CES5A: variants seen among roughly 807,000 people sequenced by gnomAD.
CES5A encodes the protein carboxylesterase 5A.
CES5A carries 67 observed loss-of-function variants against 62.9 expected under a neutral mutation model. The ratio of observed to expected loss-of-function variants is 1.07; its 90% CI spans 0.88 to 1.31. CES5A has a LOEUF of 1.31. Among genes scored for constraint, CES5A ranks in the 50% most tolerant of loss-of-function variants. CES5A has a pLI of 0.00. For missense variants in CES5A, 748 were observed against 708.5 expected (o/e 1.06, Z -0.63); for synonymous variants, 296 against 280.8 (o/e 1.05, Z -0.54).
In CES5A at chr16:55,854,544, C is replaced by CTTTTTTTTT. The variant is rs56017491; in HGVS notation, c.1126-1525_1126-1517dup. ...CCTGTAGTGTTTCTTTTTTTTTTTT[C>CTTTTTTTTT]TTTTTTTTTTTTTGAGACAGAGTCT... On this transcript the variant is annotated intron_variant, in intron 9 of 12. Coordinates refer to ENST00000290567, the MANE Select transcript of CES5A (RefSeq NM_001143685.2). 3.9e-4 allele frequency among the ~76,000 whole-genome samples: 25 copies of CTTTTTTTTT among 64,412 alleles called. 3 individuals are homozygous for CTTTTTTTTT. The highest frequency in any genetic ancestry group is 1.7e-3 in the African/African-American group (24 of 14,314). 42.3% of individuals were successfully genotyped at this position (64,412 alleles called of 152,430 possible).
intron 1 of CES5A, among the ~76,000 whole-genome samples, chr16:55,885,471 A>T (rs932330158): frequency 1.3e-5 from 2 of 152,192 alleles, no homozygotes; most frequent in Non-Finnish European, 2.9e-5. Flanking sequence ...GGGAGCCGGG[A>T]AAGTCCAGGA....
At chr16:55,907,422 C>G (rs2034049463) in intron 1 of CES5A, among the ~76,000 whole-genome samples, 1 of 152,198 alleles carries the variant, frequency 6.6e-6, no homozygotes, top group South Asian at 2.1e-4. Flanking sequence ...TTAGCTTTCT[C>G]CCTAACTAAT....
chr16:55,850,164 T>C (rs2033101343), intron 10 of CES5A, among the ~76,000 whole-genome samples: 2 of 152,238 alleles, frequency 1.3e-5, no homozygotes, highest in African/African-American at 4.8e-5. Flanking sequence ...CTATGAATAT[T>C]TTCTTCCAGT....
At chr16:55,936,624 C>A (rs1473732917) in intron 2 of CES5A, among the ~76,000 whole-genome samples, 1 of 152,146 alleles carries the variant, frequency 6.6e-6, no homozygotes, top group South Asian at 2.1e-4. Flanking sequence ...CTAATCCCTG[C>A]TAATCACTGA....
chr16:55,893,847 T>A (rs1447843303), intron 1 of CES5A, among the ~76,000 whole-genome samples: 2 of 152,070 alleles, frequency 1.3e-5, no homozygotes, highest in African/African-American at 4.8e-5. Flanking sequence ...ATAAAAGACA[T>A]CAAACTGCAT....
intron 3 of CES5A, 52 bp from the exon 4 acceptor site, chr16:55,869,796 C>T (rs529553324): frequency 2.6e-6 from 4 of 1,549,214 alleles, no homozygotes; most frequent in Non-Finnish European, 3.5e-6. Context: ...CACCTCCCCT[C>T]CCCATGCAGT....
chr16:55,922,286 G>A (rs1431072104), intron 1 of CES5A, among the ~76,000 whole-genome samples: 1 of 151,874 alleles, frequency 6.6e-6, no homozygotes, highest in East Asian at 1.9e-4. Flanking sequence ...TCAACTATTT[G>A]CTGCCTATAA....
At chr16:55,942,500 C>T (rs1001439163) in intron 2 of CES5A, among the ~76,000 whole-genome samples, 12 of 152,124 alleles carry the variant, frequency 7.9e-5, no homozygotes, top group South Asian at 6.2e-4. Context: ...AGTGAGACAC[C>T]GTTTTATGCT....
intron 1 of CES5A, among the ~76,000 whole-genome samples, chr16:55,888,287 T>C (rs1430572706): frequency 6.6e-6 from 1 of 152,188 alleles, no homozygotes; most frequent in African/African-American, 2.4e-5. Context: ...TTACGGGCCA[T>C]GCAGCTTTCC....
chr16:55,896,454 C>T (rs116519640), intron 1 of CES5A, among the ~76,000 whole-genome samples: 1,980 of 152,314 alleles, frequency 0.013, 51 homozygotes, highest in African/African-American at 0.045. Flanking sequence ...AGCCAGAGGT[C>T]CTCATCAGAT....
At chr16:55,849,520 A>T in intron 11 of CES5A, 104 bp downstream of exon 11, 1 of 1,242,368 alleles carries the variant, frequency 8.0e-7, no homozygotes, top group Non-Finnish European at 1.1e-6. Flanking sequence ...CCTATAAACC[A>T]CAGAGGTAAT....
At chr16:55,943,325 T>G (rs1443129501) in intron 2 of CES5A, among the ~76,000 whole-genome samples, 1 of 152,138 alleles carries the variant, frequency 6.6e-6, no homozygotes, top group Non-Finnish European at 1.5e-5. Flanking sequence ...CTGCGAGAGA[T>G]CAGAATGAGG....
chr16:55,876,748 A>T (rs1435732890), upstream of CES5A, among the ~76,000 whole-genome samples: 1 of 152,180 alleles, frequency 6.6e-6, no homozygotes, highest in Non-Finnish European at 1.5e-5. Context: ...GCTAAGAGAG[A>T]TCTCAGGGGG....
At chr16:55,944,111 A>G (rs1189466415) in intron 2 of CES5A, 4 of 701,930 alleles carry the variant, frequency 5.7e-6, no homozygotes, top group Non-Finnish European at 7.8e-6. Context: ...GTCCAAGGAG[A>G]CTTCAAGGGA....
intron 7 of CES5A, among the ~76,000 whole-genome samples, chr16:55,860,915 A>C (rs1383616687): frequency 2.6e-5 from 4 of 152,228 alleles, no homozygotes; most frequent in African/African-American, 9.6e-5. Context: ...ACCCGGTCCA[A>C]TTAACTGTCA....
upstream of CES5A, among the ~76,000 whole-genome samples, chr16:55,879,693 C>G (rs948771959): frequency 6.6e-6 from 1 of 152,144 alleles, no homozygotes; most frequent in Non-Finnish European, 1.5e-5. Flanking sequence ...TGGGCTCAAG[C>G]GATCCTCCCA....
At chr16:55,879,284 TCCACCACTGCACC>T (rs1463696697), upstream of CES5A, among the ~76,000 whole-genome samples, 3 of 128,848 alleles carry the variant, frequency 2.3e-5, no homozygotes, top group Non-Finnish European at 3.3e-5. Context: ...CCACTGCACC[TCCACCACTGCACC>T]CCACCACTGC....
chr16:55,870,940 C>A (rs1412421492), intron 3 of CES5A, among the ~76,000 whole-genome samples: 1 of 152,166 alleles, frequency 6.6e-6, no homozygotes, highest in Non-Finnish European at 1.5e-5. Context: ...ACTGTGTGTA[C>A]AACATGGAGC....
At chr16:55,905,448 C>A (rs995199164) in intron 1 of CES5A, among the ~76,000 whole-genome samples, 2 of 151,508 alleles carry the variant, frequency 1.3e-5, no homozygotes, top group Non-Finnish European at 2.9e-5. Context: ...CTCACTGCAA[C>A]CTCCGCCCCC....
Sources: gnomAD v4.1 joint callset for allele counts (sites outside exome capture counted in the v4.1 genomes callset) on GRCh38, gnomAD v4.1.1 for gene constraint, MANE v1.5 for transcripts, NCBI Gene and HGNC (gene_info 2026-07-23, HGNC 2026-07-21) for gene names.